VPS13B: variants seen among roughly 807,000 people sequenced by gnomAD.
VPS13B encodes vacuolar protein sorting 13 homolog B.
In VPS13B, 285 loss-of-function variants were observed where a neutral mutation model predicts 426.4. That is an observed-to-expected ratio of 0.67 (90% CI 0.61 to 0.74). The LOEUF (loss-of-function observed/expected upper bound fraction) is 0.74, where lower values mean the gene tolerates loss of function less well. Ranked by LOEUF, VPS13B falls within the 30% of genes least tolerant of loss-of-function variation. The pLI is 0.00. For missense variants in VPS13B, 4,537 were observed against 4,782.6 expected (o/e 0.95, Z 1.51); for synonymous variants, 1,676 against 1,676.4 (o/e 1.00, Z 0.01).
chr8:99,217,933 G>A (rs1323420219), intron 17 of VPS13B, among the ~76,000 whole-genome samples: 1 of 152,110 alleles, frequency 6.6e-6, no homozygotes, highest in African/African-American at 2.4e-5. Flanking sequence ...TAAAACATTT[G>A]CCAGTTTCTG....
Position 99,472,667 on chromosome 8 carries a change from A to G in VPS13B, c.3666+5033A>G, listed in dbSNP as rs541998482. Among the ~76,000 whole-genome samples, 62 of 152,108 alleles carry G rather than the reference A, an allele frequency of 4.1e-4. 3 individuals are homozygous for G. Among genetic ancestry groups the G allele is most frequent in the Non-Finnish European group, 1.2e-4 (8 of 67,904 alleles). ...AAACCCAAAGTAAGTAAAAAGAAGA[A>G]GATAATAAAGATATGAGCAGAGATG... On this transcript the variant is annotated intron_variant, in intron 24 of 61. Coordinates refer to ENST00000357162, the MANE Select transcript of VPS13B (RefSeq NM_152564.5).
At chr8:99,114,747 AT>A (rs879424678) in intron 6 of VPS13B, among the ~76,000 whole-genome samples, 1 of 152,114 alleles carries the variant, frequency 6.6e-6, no homozygotes, top group Non-Finnish European at 1.5e-5. Context: ...CTTCACATAC[AT>A]TTTTTTATGT....
chr8:99,541,998 A>G (rs1823646993), intron 30 of VPS13B, among the ~76,000 whole-genome samples: 1 of 152,212 alleles, frequency 6.6e-6, no homozygotes, highest in Non-Finnish European at 1.5e-5. Context: ...CAAAAGAAGC[A>G]AATTCTAATG....
intron 39 of VPS13B, among the ~76,000 whole-genome samples, chr8:99,758,718 C>T (rs926881378): frequency 6.6e-6 from 1 of 152,140 alleles, no homozygotes; most frequent in African/African-American, 2.4e-5. Flanking sequence ...ACTGTACCTA[C>T]TCTTACCAAC....
chr8:99,653,297 C>T (rs1170379184), intron 34 of VPS13B, among the ~76,000 whole-genome samples: 2 of 152,104 alleles, frequency 1.3e-5, no homozygotes, highest in African/African-American at 2.4e-5. Context: ...GTGCCCTGGC[C>T]TTTGTGACTC....
intron 31 of VPS13B, among the ~76,000 whole-genome samples, chr8:99,571,638 C>G (rs1238677141): frequency 6.6e-6 from 1 of 151,988 alleles, no homozygotes; most frequent in Non-Finnish European, 1.5e-5. Context: ...GCCAACTTTT[C>G]CATTTTAAGG....
chr8:99,056,163 C>G (rs199756735), intron 3 of VPS13B, among the ~76,000 whole-genome samples: 1 of 151,708 alleles, frequency 6.6e-6, no homozygotes, highest in Non-Finnish European at 1.5e-5. Flanking sequence ...CTTAAGTGAT[C>G]CTCCCACCCC....
chr8:99,491,017 T>C (rs1820578440), intron 25 of VPS13B, among the ~76,000 whole-genome samples: 2 of 152,236 alleles, frequency 1.3e-5, no homozygotes. Flanking sequence ...TTTAGATCTT[T>C]CCTGCTTTCT....
intron 39 of VPS13B, among the ~76,000 whole-genome samples, chr8:99,740,287 G>T (rs915431393): frequency 6.6e-6 from 1 of 152,146 alleles, no homozygotes; most frequent in Admixed American, 6.5e-5. Context: ...AGAATAAAAA[G>T]AAATGAACAA....
intron 19 of VPS13B, among the ~76,000 whole-genome samples, chr8:99,291,152 G>A (rs142694435): frequency 9.2e-5 from 14 of 152,120 alleles, no homozygotes; most frequent in Non-Finnish European, 1.9e-4. Flanking sequence ...AATATTAATG[G>A]GTTGGAATTA....
intron 17 of VPS13B, among the ~76,000 whole-genome samples, chr8:99,272,995 A>C (rs1030020603): frequency 1.3e-5 from 2 of 152,138 alleles, no homozygotes; most frequent in African/African-American, 2.4e-5. Context: ...GGGATGCTCT[A>C]CTGTTAAGTA....
At chr8:99,240,738 TAGTA>T (rs1410947659) in intron 17 of VPS13B, 2 of 152,662 alleles carry the variant, frequency 1.3e-5, no homozygotes, top group Non-Finnish European at 2.9e-5. Context: ...AACAAAAACT[TAGTA>T]AGTAAGCATT....
chr8:99,353,054 T>C (rs189871703), intron 19 of VPS13B, among the ~76,000 whole-genome samples: 1 of 151,976 alleles, frequency 6.6e-6, no homozygotes, highest in Admixed American at 6.5e-5. Flanking sequence ...CAATCTTGGC[T>C]CACTGCAACC....
At chr8:99,689,388 A>G (rs1168983114) in intron 35 of VPS13B, among the ~76,000 whole-genome samples, 1 of 152,256 alleles carries the variant, frequency 6.6e-6, no homozygotes, top group Non-Finnish European at 1.5e-5. Context: ...AGGTAACTAC[A>G]AAAATAATAT....
chr8:99,550,301 AAG>A (rs1303397032), intron 30 of VPS13B, among the ~76,000 whole-genome samples: 3 of 152,118 alleles, frequency 2.0e-5, no homozygotes, highest in Non-Finnish European at 4.4e-5. Context: ...CATGTAGAAA[AAG>A]AGTTATAGAA....
At chr8:99,627,710 T>C (rs891117033) in intron 33 of VPS13B, among the ~76,000 whole-genome samples, 2 of 152,190 alleles carry the variant, frequency 1.3e-5, no homozygotes, top group South Asian at 2.1e-4. Flanking sequence ...TGTACAAATA[T>C]CAAAACGTCA....
chr8:99,378,103 AG>A (rs1813589575), intron 19 of VPS13B, among the ~76,000 whole-genome samples: 1 of 145,014 alleles, frequency 6.9e-6, no homozygotes, highest in Non-Finnish European at 1.5e-5. Context: ...CAACTGCATA[AG>A]GCGGACACCC....
chr8:99,796,993 A>G (rs1304548521), intron 43 of VPS13B: 1 of 152,204 alleles, frequency 6.6e-6, no homozygotes. Flanking sequence ...TCCAAACAGT[A>G]AGGAACTAGA....
At chr8:99,819,660 C>A in intron 48 of VPS13B, 78 bp downstream of exon 48, 1 of 1,485,330 alleles carries the variant, frequency 6.7e-7, no homozygotes, top group South Asian at 1.2e-5. Context: ...TATTAAATAC[C>A]ATAAGTGGTG....
Sources: gnomAD v4.1 joint callset for allele counts (sites outside exome capture counted in the v4.1 genomes callset) on GRCh38, gnomAD v4.1.1 for gene constraint, MANE v1.5 for transcripts, NCBI Gene and HGNC (gene_info 2026-07-23, HGNC 2026-07-21) for gene names.